GRIK4: variants seen among roughly 807,000 people sequenced by gnomAD.
The protein encoded by GRIK4 is glutamate receptor ionotropic, kainate 4.
GRIK4 carries 40 observed loss-of-function variants against 104.9 expected under a neutral mutation model. The observed-to-expected ratio is 0.38, with a 90% CI of 0.30 to 0.50. The LOEUF is 0.50. GRIK4 is among the 20% of genes least tolerant of loss of function. GRIK4 has a pLI of 0.93. For missense variants in GRIK4, 1,047 were observed against 1,308.1 expected (o/e 0.80, Z 3.08); for synonymous variants, 485 against 524.9 (o/e 0.92, Z 1.04).
At chr11:120,514,401 G>A (rs912468012) in intron 1 of GRIK4, among the ~76,000 whole-genome samples, 2 of 152,206 alleles carry the variant, frequency 1.3e-5, no homozygotes, top group Non-Finnish European at 2.9e-5. Flanking sequence ...CAGAGAGGCT[G>A]GATGCCTCAT....
At chr11:120,557,159 T>G (rs1365839744) in intron 1 of GRIK4, among the ~76,000 whole-genome samples, 1 of 152,196 alleles carries the variant, frequency 6.6e-6, no homozygotes, top group Non-Finnish European at 1.5e-5. Context: ...GCTGACTGTC[T>G]TTCTCTTGTG....
chr11:120,647,971 C>T (rs1465950014), intron 1 of GRIK4, among the ~76,000 whole-genome samples: 1 of 152,184 alleles, frequency 6.6e-6, no homozygotes, highest in African/African-American at 2.4e-5. Flanking sequence ...TGAGATCTGC[C>T]CATGTGGCAG....
intron 1 of GRIK4, among the ~76,000 whole-genome samples, chr11:120,554,547 T>TTTTTTC (rs1277205487): frequency 2.0e-5 from 3 of 151,868 alleles, no homozygotes; most frequent in East Asian, 1.9e-4. Context: ...GTCGCTCTCT[T>TTTTTTC]TTTTTCTTTT....
At chr11:120,886,698 C>G (rs1396641726) in intron 11 of GRIK4, among the ~76,000 whole-genome samples, 1 of 152,192 alleles carries the variant, frequency 6.6e-6, no homozygotes, top group African/African-American at 2.4e-5. Context: ...TAGTGAGTTT[C>G]AGCCAAGAGA....
At chr11:120,968,362 A>G (rs999799815) in intron 19 of GRIK4, among the ~76,000 whole-genome samples, 6 of 152,232 alleles carry the variant, frequency 3.9e-5, no homozygotes, top group Non-Finnish European at 5.9e-5. Context: ...GTCACGTACC[A>G]TATCTACTAC....
chr11:120,966,657 C>T (rs766388593), intron 18 of GRIK4, among the ~76,000 whole-genome samples: 6 of 152,194 alleles, frequency 3.9e-5, no homozygotes, highest in African/African-American at 7.2e-5. Flanking sequence ...CAGGCGTGAG[C>T]CACCGTGCCT....
intron 1 of GRIK4, among the ~76,000 whole-genome samples, chr11:120,620,739 G>A (rs935850106): frequency 6.6e-6 from 1 of 152,146 alleles, no homozygotes; most frequent in Admixed American, 6.5e-5. Context: ...ATCAGGTATT[G>A]TAGTATTATT....
intron 3 of GRIK4, among the ~76,000 whole-genome samples, chr11:120,675,937 A>G (rs970640566): frequency 1.7e-4 from 26 of 152,344 alleles, no homozygotes; most frequent in African/African-American, 6.0e-4. Context: ...CAAAATTATG[A>G]TCTTACAGCC....
At chr11:120,643,017 T>G (rs978130448) in intron 1 of GRIK4, among the ~76,000 whole-genome samples, 2 of 152,124 alleles carry the variant, frequency 1.3e-5, no homozygotes, top group African/African-American at 4.8e-5. Flanking sequence ...ACTGCTCACA[T>G]GTTTCCCATA....
intron 18 of GRIK4, among the ~76,000 whole-genome samples, chr11:120,963,173 C>T (rs1412376491): frequency 6.6e-6 from 1 of 152,172 alleles, no homozygotes; most frequent in African/African-American, 2.4e-5. Context: ...AGATGGAATG[C>T]TTTCAAATTA....
chr11:120,528,146 T>G (rs1272420616), intron 1 of GRIK4, among the ~76,000 whole-genome samples: 1 of 152,166 alleles, frequency 6.6e-6, no homozygotes, highest in Non-Finnish European at 1.5e-5. Flanking sequence ...ATTTTTTATT[T>G]TTGTATTTTT....
At chr11:120,983,233 T>C (rs1944681966) in intron 20 of GRIK4, among the ~76,000 whole-genome samples, 1 of 152,190 alleles carries the variant, frequency 6.6e-6, no homozygotes, top group African/African-American at 2.4e-5. Context: ...TCCACCATTG[T>C]GAACGTGTCT....
intron 7 of GRIK4, among the ~76,000 whole-genome samples, chr11:120,833,953 C>G (rs1333521134): frequency 6.6e-6 from 1 of 152,108 alleles, no homozygotes; most frequent in Non-Finnish European, 1.5e-5. Context: ...TACAGAGTTC[C>G]CATAATTTAT....
rs1037371565 is a variant in GRIK4 at position 120,524,794 on chromosome 11, A to G, written c.-159+12907A>G. ...TGCCTGCATCCTGGGGGCATTTATC[A>G]TCACGCGGAGCTAGTTACGTGGCAG... is the stretch of plus-strand genomic sequence containing the variant. On this transcript the variant is annotated intron_variant, in intron 1 of 20. Transcript: ENST00000527524. The surrounding 1 kb of genome is among the most constrained non-coding windows in gnomAD (Gnocchi z 4.5). Among the ~76,000 whole-genome samples, 6 of 152,192 alleles carry G rather than the reference A, an allele frequency of 3.9e-5. No homozygotes were observed. The highest frequency in any genetic ancestry group is 8.8e-5 in the Non-Finnish European group (6 of 68,036).
At position 120,526,260 on chromosome 11, in the gene GRIK4, G is replaced by A. The variant is rs542581426; in HGVS notation, c.-159+14373G>A. 2.0e-5 allele frequency among the ~76,000 whole-genome samples: 3 copies of A among 152,186 alleles called. No homozygotes were observed. The East Asian group carries it at 5.8e-4, about 30-fold the overall frequency. On this transcript the variant is annotated intron_variant, in intron 1 of 20. Transcript: ENST00000527524. ...TCTGTCGCCCAGGCTGGAGTGCGGT[G>A]GCATGATCTCCATCTCCCGGGCTCA... is the stretch of plus-strand genomic sequence containing the variant.
chr11:120,615,673 C>G (rs1289133392), intron 1 of GRIK4, among the ~76,000 whole-genome samples: 1 of 152,230 alleles, frequency 6.6e-6, no homozygotes, highest in East Asian at 1.9e-4. Context: ...GGCTGGCACT[C>G]TTCCTGCCCC....
intron 9 of GRIK4, among the ~76,000 whole-genome samples, chr11:120,865,705 A>G (rs1258618077): frequency 3.3e-5 from 5 of 151,390 alleles, no homozygotes; most frequent in Non-Finnish European, 5.9e-5. Flanking sequence ...TCCCTTTTAG[A>G]GGAAAAAAAA....
At chr11:120,888,102 A>G (rs1318192743) in intron 11 of GRIK4, among the ~76,000 whole-genome samples, 1 of 152,186 alleles carries the variant, frequency 6.6e-6, no homozygotes, top group Admixed American at 6.5e-5. Flanking sequence ...ACTCAGAATC[A>G]AAGACAAGGG....
chr11:120,732,094 T>G (rs1321715252), intron 3 of GRIK4, among the ~76,000 whole-genome samples: 1 of 152,142 alleles, frequency 6.6e-6, no homozygotes, highest in Non-Finnish European at 1.5e-5. Context: ...TTCAGTTTGC[T>G]CTTGGTTTTC....
Sources: gnomAD v4.1 joint callset for allele counts (sites outside exome capture counted in the v4.1 genomes callset) on GRCh38, gnomAD v4.1.1 for gene constraint, Gnocchi (gnomAD v3.1) non-coding constraint, MANE v1.5 for transcripts, NCBI Gene and HGNC (gene_info 2026-07-23, HGNC 2026-07-21) for gene names.